The following CTNNA3 variants were observed in gnomAD, a reference collection of about 807,000 sequenced individuals.
CTNNA3 encodes catenin alpha-3.
CTNNA3 carries 76 observed loss-of-function variants against 95.7 expected under a neutral mutation model. That is an observed-to-expected ratio of 0.79 (90% CI 0.66 to 0.96). CTNNA3 has a LOEUF of 0.96. Ranked by LOEUF, CTNNA3 falls within the 40% of genes least tolerant of loss-of-function variation. CTNNA3 has a pLI of 0.00. For synonymous variants in CTNNA3, 431 were observed against 374.4 expected (o/e 1.15, Z -1.74); for missense variants, 1,191 against 1,089.8 (o/e 1.09, Z -1.31).
chr10:67,227,582 C>T (rs769614091), intron 5 of CTNNA3, among the ~76,000 whole-genome samples: 4 of 152,136 alleles, frequency 2.6e-5, no homozygotes, highest in South Asian at 2.1e-4. Context: ...AATGAGATAG[C>T]AACACAATAA....
At chr10:66,189,617 T>TATATATATACACAC (rs151078010) in intron 13 of CTNNA3, among the ~76,000 whole-genome samples, 2 of 140,366 alleles carry the variant, frequency 1.4e-5, no homozygotes, top group African/African-American at 5.7e-5. Context: ...TATATATATA[T>TATATATATACACAC]ACACACATAC....
intron 7 of CTNNA3, among the ~76,000 whole-genome samples, chr10:66,919,489 G>C (rs1846678067): frequency 6.6e-6 from 1 of 152,142 alleles, no homozygotes; most frequent in Non-Finnish European, 1.5e-5. Flanking sequence ...AATAAAACCT[G>C]AGAATATGGA....
intron 10 of CTNNA3, among the ~76,000 whole-genome samples, chr10:66,526,263 G>T (rs1390152069): frequency 6.6e-6 from 1 of 152,164 alleles, no homozygotes; most frequent in East Asian, 1.9e-4. Flanking sequence ...TCAGCTCACA[G>T]CAACTTCCAC....
At chr10:67,236,669 A>C (rs1263096227) in intron 5 of CTNNA3, among the ~76,000 whole-genome samples, 5 of 151,864 alleles carry the variant, frequency 3.3e-5, no homozygotes, top group Non-Finnish European at 2.9e-5. Flanking sequence ...AATAATAATA[A>C]ATAAAAAATA....
intron 7 of CTNNA3, among the ~76,000 whole-genome samples, chr10:67,076,185 C>G (rs1856738679): frequency 6.6e-6 from 1 of 152,196 alleles, no homozygotes; most frequent in Non-Finnish European, 1.5e-5. Context: ...CTCCAGAGAG[C>G]TACAATTTTT....
chr10:67,743,180 C>A (rs1589587288), intron 1 of CTNNA3, among the ~76,000 whole-genome samples: 1 of 151,360 alleles, frequency 6.6e-6, no homozygotes, highest in African/African-American at 2.4e-5. Context: ...GATACCAAAG[C>A]CTGGCAGAGA....
intron 1 of CTNNA3, among the ~76,000 whole-genome samples, chr10:67,672,602 T>G (rs964174499): frequency 3.3e-5 from 5 of 152,170 alleles, no homozygotes; most frequent in African/African-American, 1.2e-4. Flanking sequence ...CCCAGCACCA[T>G]TTATTAAAAA....
intron 12 of CTNNA3, among the ~76,000 whole-genome samples, chr10:66,320,821 AGAAC>A (rs1326022421): frequency 6.6e-6 from 1 of 152,192 alleles, no homozygotes; most frequent in Non-Finnish European, 1.5e-5. Context: ...ACAGAAATAA[AGAAC>A]AGTAATGCAA....
chr10:67,169,256 T>C (rs1287577540), intron 7 of CTNNA3, among the ~76,000 whole-genome samples: 3 of 151,998 alleles, frequency 2.0e-5, no homozygotes, highest in African/African-American at 7.2e-5. Flanking sequence ...AAACTACCAA[T>C]GACATTCTTT....
intron 17 of CTNNA3, among the ~76,000 whole-genome samples, chr10:65,946,171 AT>A (rs1165127475): frequency 6.6e-6 from 1 of 152,012 alleles, no homozygotes; most frequent in Non-Finnish European, 1.5e-5. Flanking sequence ...TCCATGGAGG[AT>A]TTTTTGGTAA....
intron 14 of CTNNA3, among the ~76,000 whole-genome samples, chr10:66,074,696 A>C (rs1309343141): frequency 6.6e-6 from 1 of 151,866 alleles, no homozygotes; most frequent in African/African-American, 2.4e-5. Flanking sequence ...CTAGATGTTC[A>C]TATTGTTCTC....
At chr10:65,981,533 T>G (rs1392949956) in intron 16 of CTNNA3, among the ~76,000 whole-genome samples, 3 of 151,962 alleles carry the variant, frequency 2.0e-5, no homozygotes, top group Non-Finnish European at 4.4e-5. Flanking sequence ...AGAGCCCGTA[T>G]AGCCAAATCA....
rs187457927 is a variant in CTNNA3, at chr10:67,114,319, G to T, written c.1047+65998C>A. Among the ~76,000 whole-genome samples the T allele has an allele frequency of 4.4e-3, 669 of 152,060 alleles. 7 individuals are homozygous for T. The highest frequency in any genetic ancestry group is 0.015 in the African/African-American group (633 of 41,494). On this transcript the variant is annotated intron_variant, in intron 7 of 17. Coordinates refer to ENST00000433211, the MANE Select transcript of CTNNA3 (RefSeq NM_013266.4). Reference sequence around the variant, plus strand: ...CATTTTAAAAATATTCTTAGACAAGGTTCTGGATTATATTTCAATTCTGTT... The same window carrying T: ...CATTTTAAAAATATTCTTAGACAAGTTTCTGGATTATATTTCAATTCTGTT...
chr10:66,141,122 G>T (rs553073244), intron 13 of CTNNA3, among the ~76,000 whole-genome samples: 1 of 152,112 alleles, frequency 6.6e-6, no homozygotes, highest in Admixed American at 6.5e-5. Context: ...AGCCTGGCAT[G>T]GTGGTGCATG....
At chr10:67,102,265 G>A (rs1417013370) in intron 7 of CTNNA3, among the ~76,000 whole-genome samples, 1 of 151,664 alleles carries the variant, frequency 6.6e-6, no homozygotes, top group Non-Finnish European at 1.5e-5. Flanking sequence ...CAAAGGTAGG[G>A]TACCTGGACA....
chr10:66,436,184 A>G (rs2093336562), intron 11 of CTNNA3, among the ~76,000 whole-genome samples: 1 of 152,194 alleles, frequency 6.6e-6, no homozygotes, highest in Non-Finnish European at 1.5e-5. Context: ...GTAGATGTCT[A>G]TTAGGTCTGC....
chr10:66,030,144 C>T (rs1212398866), intron 15 of CTNNA3, among the ~76,000 whole-genome samples: 1 of 152,080 alleles, frequency 6.6e-6, no homozygotes, highest in Non-Finnish European at 1.5e-5. Context: ...GCCATACTGC[C>T]CAAAGCAATC....
At chr10:67,726,481 T>A (rs1391937208) in intron 1 of CTNNA3, among the ~76,000 whole-genome samples, 1 of 66,762 alleles carries the variant, frequency 1.5e-5, no homozygotes, top group Non-Finnish European at 2.5e-5. Flanking sequence ...ATATTATATA[T>A]TATATCATAT....
chr10:66,752,168 A>G (rs1456502805), intron 9 of CTNNA3, among the ~76,000 whole-genome samples: 5 of 151,730 alleles, frequency 3.3e-5, no homozygotes, highest in Non-Finnish European at 5.9e-5. Context: ...AAAAAGAAAG[A>G]GGACTGACAA....
Sources: gnomAD v4.1 joint callset for allele counts (sites outside exome capture counted in the v4.1 genomes callset) on GRCh38, gnomAD v4.1.1 for gene constraint, MANE v1.5 for transcripts, NCBI Gene and HGNC (gene_info 2026-07-23, HGNC 2026-07-21) for gene names.